MYO18B: variants seen among roughly 807,000 people sequenced by gnomAD.
MYO18B encodes unconventional myosin-XVIIIb.
A neutral mutation model predicts 273.0 loss-of-function variants in MYO18B; 204 were observed. The ratio of observed to expected loss-of-function variants is 0.75; its 90% CI spans 0.67 to 0.84. MYO18B has a LOEUF of 0.84. Among genes scored for constraint, MYO18B ranks in the 40% least tolerant of loss-of-function variants. MYO18B has a pLI of 0.00. For synonymous variants in MYO18B, 1,330 were observed against 1,305.7 expected (o/e 1.02, Z -0.40); for missense variants, 3,212 against 3,287.6 (o/e 0.98, Z 0.56).
At chr22:25,862,276 A>G (rs943230149) in intron 21 of MYO18B, among the ~76,000 whole-genome samples, 3 of 152,162 alleles carry the variant, frequency 2.0e-5, no homozygotes, top group Non-Finnish European at 2.9e-5. Context: ...TGCAGATCAC[A>G]TCTATATATG....
At chr22:25,801,381 T>C (rs2088187754) in intron 12 of MYO18B, among the ~76,000 whole-genome samples, 1 of 152,178 alleles carries the variant, frequency 6.6e-6, no homozygotes, top group Non-Finnish European at 1.5e-5. Flanking sequence ...TTGGATTAGA[T>C]GTATGTGCTA....
chr22:25,964,533 C>T (rs929632303), intron 39 of MYO18B, among the ~76,000 whole-genome samples: 1 of 152,166 alleles, frequency 6.6e-6, no homozygotes, highest in Admixed American at 6.5e-5. Flanking sequence ...TCAACCTTGG[C>T]ATTATTGACA....
chr22:26,027,500 C>T lies in MYO18B; in HGVS notation c.7526C>T (p.Ser2509Phe), dbSNP rs750005973. 2.5e-6 allele frequency: 4 copies of T among 1,613,884 alleles called. No homozygotes were observed. The highest frequency in any genetic ancestry group is 3.4e-6 in the Non-Finnish European group (4 of 1,179,910). ...GATCCCGCTCACCTGTCTGACTCGTCCTCATCCTCCGGCTCCATCGTGTCC... is the reference window on the plus strand; with the variant it reads ...GATCCCGCTCACCTGTCTGACTCGTTCTCATCCTCCGGCTCCATCGTGTCC... ...KEDPAHLSDS[S>F]SSSGSIVSFK... Residue 2509 changes from serine (S) to phenylalanine (F), a missense_variant, in exon 43 of 44, where the codon TCC becomes TTC. By Grantham distance (155) the Ser-to-Phe change is radical (BLOSUM62 -2). Coordinates refer to ENST00000335473, the MANE Select transcript of MYO18B (RefSeq NM_032608.7). This position sits in a 1 kb window ranked among gnomAD's most constrained non-coding sequence, Gnocchi z 4.1.
chr22:25,822,146 C>A (rs2089305843), intron 12 of MYO18B, among the ~76,000 whole-genome samples: 1 of 152,230 alleles, frequency 6.6e-6, no homozygotes, highest in African/African-American at 2.4e-5. Context: ...CCGTTACATT[C>A]CAGCCACACT....
At chr22:26,004,518 C>G (rs1934264039) in intron 41 of MYO18B, among the ~76,000 whole-genome samples, 200 bp from the exon 42 acceptor site, 1 of 152,188 alleles carries the variant, frequency 6.6e-6, no homozygotes, top group Non-Finnish European at 1.5e-5. Context: ...TGGCCAAGAC[C>G]CAAATTGGCC....
intron 34 of MYO18B, among the ~76,000 whole-genome samples, chr22:25,929,395 A>G (rs1392188051): frequency 6.6e-6 from 1 of 152,158 alleles, no homozygotes. Flanking sequence ...CTGGAAACAA[A>G]CTAATCTGGA....
In MYO18B at chr22:25,825,400, CTG is replaced by C. The variant is rs1467887787; in HGVS notation, c.2696-1005_2696-1004del. Reference sequence around the variant, plus strand: ...GCACTAGTGCGCACTGATTTGGAAACTGTGTTTTCAATTTTTTAGATAGAACT... The same window carrying C: ...GCACTAGTGCGCACTGATTTGGAAACTGTTTTCAATTTTTTAGATAGAACT... On this transcript the variant is annotated intron_variant, in intron 13 of 43. Transcript: ENST00000335473. 3.3e-5 allele frequency among the ~76,000 whole-genome samples: 5 copies of C among 152,166 alleles called. No individual in the cohort carries two copies. In the South Asian group the frequency reaches 6.2e-4, roughly 19 times the overall value.
In MYO18B at chr22:25,950,454, T is replaced by C; in HGVS notation, c.5832+4T>C. The C allele has an allele frequency of 6.3e-7, 1 of 1,597,640 alleles. No individual in the cohort carries two copies. The highest frequency in any genetic ancestry group is 8.5e-7 in the Non-Finnish European group (1 of 1,171,940). ...GAAGCACAAGCTACAAGAACAAGTA[T>C]GTGCTCAGAGCCATCCTATAGTTGT... is the stretch of plus-strand genomic sequence containing the variant. On this transcript the variant is annotated splice_donor_region_variant and intron_variant, in intron 37 of 43. Coordinates refer to ENST00000335473, the MANE Select transcript of MYO18B (RefSeq NM_032608.7).
intron 29 of MYO18B, 50 bp from the exon 30 acceptor site, chr22:25,902,563 C>T: frequency 1.9e-6 from 3 of 1,573,876 alleles, no homozygotes; most frequent in Middle Eastern, 3.9e-4. Flanking sequence ...CTCAATCACT[C>T]CCCTGCCCAC....
At chr22:25,943,201 G>T (rs936233820) in intron 34 of MYO18B, among the ~76,000 whole-genome samples, 5 of 152,126 alleles carry the variant, frequency 3.3e-5, no homozygotes, top group Non-Finnish European at 7.4e-5. Flanking sequence ...TTAGTTATCT[G>T]ACATCATCTC....
intron 43 of MYO18B, chr22:26,028,708 C>T (rs1936469695): frequency 6.6e-6 from 1 of 151,908 alleles, no homozygotes; most frequent in African/African-American, 2.4e-5. Flanking sequence ...TCCTGGCTAA[C>T]ACAGTGAAAC....
rs1193996209 is a variant in MYO18B, at chr22:25,797,958, A to G, written c.2382A>G (p.Glu794=). The G allele has an allele frequency of 6.2e-7, 1 of 1,614,028 alleles. No homozygotes were observed. The highest frequency in any genetic ancestry group is 2.2e-5 in the East Asian group (1 of 44,888). ...SFGMGVWSKP[E]DKQKAAAAFA... ...CTCTCTCCCTTTGCCCGCAGCCTGA[A>G]GATAAACAGAAGGCGGCAGCTGCCT... Residue 794 remains glutamate (E), a synonymous_variant, in exon 12 of 44, where the codon GAA becomes GAG. Transcript: ENST00000335473.
At chr22:25,921,559 G>T in intron 34 of MYO18B, 150 bp downstream of exon 34, 2 of 991,264 alleles carry the variant, frequency 2.0e-6, no homozygotes, top group East Asian at 2.6e-5. Context: ...TTTCAGGGCT[G>T]TGAGGGTCAT....
At chr22:25,835,733 C>G (rs928184987) in intron 17 of MYO18B, among the ~76,000 whole-genome samples, 2 of 152,220 alleles carry the variant, frequency 1.3e-5, no homozygotes, top group Non-Finnish European at 1.5e-5. Context: ...GCACAGTGAG[C>G]CTGCAACTGC....
intron 33 of MYO18B, among the ~76,000 whole-genome samples, chr22:25,918,580 G>A (rs1192677277): frequency 2.6e-5 from 4 of 152,142 alleles, no homozygotes; most frequent in African/African-American, 9.7e-5. Context: ...AGATTTTCTT[G>A]TGAATTCTGT....
chr22:25,952,513 A>G, intron 38 of MYO18B, 90 bp downstream of exon 38: 1 of 1,493,120 alleles, frequency 6.7e-7, no homozygotes, highest in Admixed American at 1.9e-5. Context: ...TCATCTATCT[A>G]CTCACATGCC....
At chr22:25,790,399 A>G (rs529289664) in intron 11 of MYO18B, among the ~76,000 whole-genome samples, 4 of 152,260 alleles carry the variant, frequency 2.6e-5, no homozygotes, top group South Asian at 4.1e-4. Flanking sequence ...TTGTATTACC[A>G]TCTCCGACTC....
Position 25,769,058 on chromosome 22 carries a change from C to A in MYO18B, c.1142C>A (p.Thr381Lys), listed in dbSNP as rs202133740. 13 of 1,612,172 alleles carry A rather than the reference C, an allele frequency of 8.1e-6. No homozygotes were observed. The highest frequency in any genetic ancestry group is 1.1e-5 in the Non-Finnish European group (13 of 1,179,176). ...GAGAAAGCAGGTGAGCTTCGGAGCA[C>A]GACTGGGAAGGCAGGTGAGTCCTGG... ...MGEKAGELRS[T>K]TGKAGESWDK... Residue 381 changes from threonine to lysine, a missense_variant, in exon 4 of 44, where the codon ACG becomes AAG. Transcript: ENST00000335473.
the MYO18B span, among the ~76,000 whole-genome samples, chr22:26,059,812 A>G: frequency 6.6e-6 from 1 of 152,110 alleles, no homozygotes; most frequent in Non-Finnish European, 1.5e-5. Flanking sequence ...TGTTGTTCAC[A>G]TTTCCCTTGT....
Sources: allele counts gnomAD v4.1 joint callset (sites outside exome capture counted in the v4.1 genomes callset), GRCh38; gene constraint gnomAD v4.1.1; non-coding constraint Gnocchi (gnomAD v3.1); transcripts MANE v1.5; gene names NCBI Gene and HGNC (gene_info 2026-07-23, HGNC 2026-07-21).